Variants in SLC6A2 observed in about 807,000 individuals in gnomAD.
SLC6A2 encodes the protein sodium-dependent noradrenaline transporter.
In SLC6A2, 26 loss-of-function variants were observed where a neutral mutation model predicts 71.7. The observed-to-expected ratio is 0.36, with a 90% confidence interval of 0.27 to 0.50. The LOEUF (loss-of-function observed/expected upper bound fraction) is 0.50, where lower values mean the gene tolerates loss of function less well. Ranked by LOEUF, SLC6A2 falls within the 20% of genes least tolerant of loss-of-function variation. The pLI, the probability that SLC6A2 is intolerant of heterozygous loss-of-function variation, is 0.96. For missense variants in SLC6A2, 581 were observed against 803.9 expected (o/e 0.72, Z 3.35); for synonymous variants, 363 against 337.9 (o/e 1.07, Z -0.82).
In SLC6A2 at chr16:55,686,402, A is replaced by G. The variant is rs138816267; in HGVS notation, c.783+1121A>G. Among the ~76,000 whole-genome samples, 1,255 of 152,240 alleles carry G rather than the reference A, an allele frequency of 8.2e-3. 19 individuals are homozygous for G. The highest frequency in any genetic ancestry group is 0.028 in the African/African-American group (1,170 of 41,532). On this transcript the variant is annotated intron_variant, in intron 5 of 14. Coordinates refer to ENST00000568943, the MANE Select transcript of SLC6A2 (RefSeq NM_001172501.3). ...AAGCAGACAAGCCCCAGTGATGTAC[A>G]AGTAGCTCTTCCAGTCACTGCTTGC...
At chr16:55,695,241 G>A in intron 7 of SLC6A2, 37 bp from the exon 8 acceptor site, 1 of 1,613,524 alleles carries the variant, frequency 6.2e-7, no homozygotes, top group East Asian at 2.2e-5. Flanking sequence ...GGTTGAGGGT[G>A]TCAAGGGACT....
intron 6 of SLC6A2, among the ~76,000 whole-genome samples, chr16:55,693,043 CT>C (rs1965685243): frequency 6.6e-6 from 1 of 152,260 alleles, no homozygotes; most frequent in African/African-American, 2.4e-5. Flanking sequence ...GCAGATCTGT[CT>C]TCCCCCATCA....
chr16:55,688,143 A>G (rs921767988), intron 5 of SLC6A2, among the ~76,000 whole-genome samples: 2 of 152,204 alleles, frequency 1.3e-5, no homozygotes, highest in African/African-American at 2.4e-5. Context: ...AATTGTTTTT[A>G]TAAACTGGCT....
chr16:55,666,341 A>G (rs1341445652), intron 2 of SLC6A2, among the ~76,000 whole-genome samples: 2 of 152,168 alleles, frequency 1.3e-5, no homozygotes, highest in African/African-American at 4.8e-5. Flanking sequence ...ACCACTGCAG[A>G]GCTGTTTATA....
At chr16:55,697,546 T>A (rs1965836914) in intron 9 of SLC6A2, among the ~76,000 whole-genome samples, 1 of 152,218 alleles carries the variant, frequency 6.6e-6, no homozygotes, top group African/African-American at 2.4e-5. Context: ...TATTGACATG[T>A]AAACGTATGA....
rs760893401 is a variant in SLC6A2, at chr16:55,698,577, G to A, written c.1489+9G>A. 1 of 1,593,214 alleles carries A rather than the reference G, an allele frequency of 6.3e-7. No individual in the cohort carries two copies. Among genetic ancestry groups the A allele is most frequent in the Non-Finnish European group, 8.6e-7 (1 of 1,160,832 alleles). ...AGTTTCCTGGTTTTATGGTATGTGA[G>A]TGTGTGGAAAAGCCTCAGCTCCCAG... On this transcript the variant is annotated intron_variant, in intron 11 of 14. Coordinates refer to ENST00000568943, the MANE Select transcript of SLC6A2 (RefSeq NM_001172501.3).
intron 5 of SLC6A2, 89 bp from the exon 6 acceptor site, chr16:55,691,829 G>A: frequency 6.9e-7 from 1 of 1,452,312 alleles, no homozygotes; most frequent in Non-Finnish European, 9.6e-7. Context: ...AGCATGACTG[G>A]CTCCCTGGGA....
Position 55,699,471 on chromosome 16 carries a change from A to G in SLC6A2, c.1490-83A>G, listed in dbSNP as rs543384776. ...ATCTTGCCTCACTGCCCTGCTCTCC[A>G]CCTGGGGCCAGAACCTCATGGGAGG... is the stretch of plus-strand genomic sequence containing the variant. On this transcript the variant is annotated intron_variant, in intron 11 of 14. Transcript: ENST00000568943. 70 of 1,080,528 alleles carry G rather than the reference A, an allele frequency of 6.5e-5. No homozygotes were observed. In the African/African-American group the frequency reaches 9.9e-4, roughly 15 times the overall value. 66.9% of individuals were successfully genotyped at this position (1,080,528 alleles called of 1,614,324 possible). A position where few individuals can be genotyped will look rare whatever the true frequency, so the allele number is the denominator to read the frequency against.
At chr16:55,671,405 C>T (rs1345393284) in intron 3 of SLC6A2, among the ~76,000 whole-genome samples, 3 of 152,058 alleles carry the variant, frequency 2.0e-5, no homozygotes, top group Admixed American at 6.5e-5. Flanking sequence ...AGCTCTCGGG[C>T]AAAGAGATGG....
At position 55,672,126 on chromosome 16, in the gene SLC6A2, C is replaced by T. The variant is rs1371897364; in HGVS notation, c.595C>T (p.His199Tyr). ...KLLNGSVLGNHTKYSKYKFTP... is the reference protein window; with the variant it reads ...KLLNGSVLGNYTKYSKYKFTP... ...CCTCAATGGCTCCGTGCTTGGCAAC[C>T]ACACCAAGTACTCCAAGTACAAGTT... The change falls in exon 4 of 15, where the codon CAC becomes TAC. Residue 199 changes from histidine to tyrosine, a missense_variant. His to Tyr is a moderately conservative substitution (Grantham distance 83). Around this residue, in one of 5 missense-constraint regions of SLC6A2, gnomAD observed 87 missense variants for 99.5 expected, o/e 0.87. Transcript: ENST00000568943. 1 of 1,614,200 alleles carries T rather than the reference C, an allele frequency of 6.2e-7. No homozygotes were observed. Among genetic ancestry groups the T allele is most frequent in the Admixed American group, 1.7e-5 (1 of 60,028 alleles).
At chr16:55,690,593 G>A (rs146679583) in intron 5 of SLC6A2, among the ~76,000 whole-genome samples, 18 of 152,152 alleles carry the variant, frequency 1.2e-4, no homozygotes, top group African/African-American at 4.1e-4. Flanking sequence ...TGACTACCTT[G>A]ACCTTAGCCT....
At chr16:55,666,055 G>A (rs912002096) in intron 2 of SLC6A2, among the ~76,000 whole-genome samples, 5 of 152,192 alleles carry the variant, frequency 3.3e-5, no homozygotes, top group Admixed American at 6.5e-5. Context: ...ATGGTTTTTG[G>A]AGACTCCCAG....
intron 4 of SLC6A2, among the ~76,000 whole-genome samples, chr16:55,680,240 G>A (rs981420978): frequency 1.3e-5 from 2 of 152,208 alleles, no homozygotes; most frequent in Non-Finnish European, 1.5e-5. Flanking sequence ...GAGAGACTGG[G>A]TTTGGGAGAG....
intron 2 of SLC6A2, among the ~76,000 whole-genome samples, chr16:55,660,011 A>T (rs1221323071): frequency 6.6e-6 from 1 of 152,114 alleles, no homozygotes; most frequent in African/African-American, 2.4e-5. Context: ...CATTATGATG[A>T]TGTATGAAAT....
intron 6 of SLC6A2, among the ~76,000 whole-genome samples, chr16:55,692,587 C>A (rs1265794793): frequency 6.6e-6 from 1 of 152,216 alleles, no homozygotes; most frequent in African/African-American, 2.4e-5. Context: ...GTAGTGGAGT[C>A]CAGTGCAGAG....
chr16:55,666,509 C>G (rs1964754533), intron 2 of SLC6A2, among the ~76,000 whole-genome samples: 1 of 152,210 alleles, frequency 6.6e-6, no homozygotes, highest in African/African-American at 2.4e-5. Flanking sequence ...GAATAAGGCA[C>G]TGGCCGCGGG....
rs1000075742 is a variant in SLC6A2, at chr16:55,694,053, C to A, written c.962C>A (p.Ala321Asp). The change falls in exon 7 of 15, where the codon GCT becomes GAT. Residue 321 changes from alanine (A) to aspartate (D), a missense_variant. Coordinates refer to ENST00000568943, the MANE Select transcript of SLC6A2 (RefSeq NM_001172501.3). Reference protein sequence around the residue: ...AATQIFFSLGAGFGVLIAFAS... With the variant: ...AATQIFFSLGDGFGVLIAFAS... The stretch of plus-strand genomic sequence containing the variant: ...ACTCAGATATTTTTTTCCTTGGGGG[C>A]TGGATTTGGAGTATTGATTGCATTT... 3 of 1,613,654 alleles carry A rather than the reference C, an allele frequency of 1.9e-6. No individual in the cohort carries two copies. Among genetic ancestry groups the A allele is most frequent in the Non-Finnish European group, 2.5e-6 (3 of 1,179,690 alleles).
intron 6 of SLC6A2, 92 bp downstream of exon 6, chr16:55,692,144 C>T: frequency 7.1e-7 from 1 of 1,402,990 alleles, no homozygotes; most frequent in Non-Finnish European, 1.0e-6. Context: ...CCAGCTCTGC[C>T]ACAAATGTGC....
chr16:55,689,942 G>T (rs1336351982), intron 5 of SLC6A2, among the ~76,000 whole-genome samples: 1 of 152,160 alleles, frequency 6.6e-6, no homozygotes, highest in African/African-American at 2.4e-5. Flanking sequence ...CTACCACTAT[G>T]CATTTACTCG....
Sources: allele counts gnomAD v4.1 joint callset (sites outside exome capture counted in the v4.1 genomes callset), GRCh38; gene constraint gnomAD v4.1.1; regional missense constraint gnomAD v4.1.1; transcripts MANE v1.5; gene names NCBI Gene and HGNC (gene_info 2026-07-23, HGNC 2026-07-21).